Variants in RAB10 observed in about 807,000 individuals in gnomAD.
RAB10 encodes RAB10, member RAS oncogene family.
In RAB10, 5 loss-of-function variants were observed where a neutral mutation model predicts 25.7. The ratio of observed to expected loss-of-function variants is 0.19; its 90% CI spans 0.10 to 0.41. The LOEUF is 0.41. RAB10 is among the 10% of genes least tolerant of loss of function. RAB10 has a pLI of 1.00. For synonymous variants in RAB10, 89 were observed against 86.4 expected (o/e 1.03, Z -0.16); for missense variants, 103 against 245.8 (o/e 0.42, Z 3.89).
intron 1 of RAB10, among the ~76,000 whole-genome samples, chr2:26,059,544 T>A (rs1284950774): frequency 6.6e-6 from 1 of 152,144 alleles, no homozygotes; most frequent in African/African-American, 2.4e-5. Context: ...GGGGTAAAAA[T>A]TGTGAGTACT....
intron 1 of RAB10, among the ~76,000 whole-genome samples, chr2:26,047,303 A>G (rs1170456606): frequency 6.6e-6 from 1 of 152,218 alleles, no homozygotes; most frequent in East Asian, 1.9e-4. Context: ...TGTTGTATAA[A>G]TGGAATCATA....
Position 26,117,628 on chromosome 2 carries a change from AAAAAAAAC to A in RAB10, c.327+7730_327+7737del, listed in dbSNP as rs1238518225. Among the ~76,000 whole-genome samples the A allele has an allele frequency of 2.5e-3, 361 of 146,648 alleles. 3 individuals carry two copies. In the East Asian group the frequency reaches 0.036, roughly 14 times the overall value. On this transcript the variant is annotated intron_variant, in intron 3 of 5. Coordinates refer to ENST00000264710, the MANE Select transcript of RAB10 (RefSeq NM_016131.5). ...GAGCGAGACTCCGTCTCAAAAAAAA[AAAAAAAAC>A]AAAAAAAACAAAAGAGTTAGGAAGT...
Position 26,054,711 on chromosome 2 carries a change from G to C in RAB10, c.127+19976G>C, listed in dbSNP as rs370537544. ...GCAGGAAAGTTAGAACACTCATTAC[G>C]ATGAATCCCCTTAGATCTTCCAGAT... On this transcript the variant is annotated intron_variant, in intron 1 of 5. Transcript: ENST00000264710. Among the ~76,000 whole-genome samples, 10 of 152,226 alleles carry C rather than the reference G, an allele frequency of 6.6e-5. No individual in the cohort carries two copies. In the South Asian group the frequency reaches 2.1e-3, roughly 32 times the overall value.
chr2:26,135,607 A>T lies in RAB10; in HGVS notation c.*586A>T, dbSNP rs1056765715. The stretch of plus-strand genomic sequence containing the variant: ...GCATGTGCAGGAGACATATCATCCA[A>T]ACATAAACCATTAAAATGTTTGTGG... On this transcript the variant is annotated 3_prime_UTR_variant, in exon 6 of 6. Coordinates refer to ENST00000264710, the MANE Select transcript of RAB10 (RefSeq NM_016131.5). 1 of 152,660 alleles carries T rather than the reference A, an allele frequency of 6.6e-6. No homozygotes were observed. Among genetic ancestry groups the T allele is most frequent in the African/African-American group, 2.4e-5 (1 of 41,454 alleles). 9.5% of individuals were successfully genotyped at this position (152,660 alleles called of 1,614,324 possible).
At chr2:26,054,464 A>G (rs1446775281) in intron 1 of RAB10, among the ~76,000 whole-genome samples, 1 of 152,210 alleles carries the variant, frequency 6.6e-6, no homozygotes, top group East Asian at 1.9e-4. Flanking sequence ...TGCTGGCATT[A>G]TAGGCGTGAG....
chr2:26,061,663 T>G (rs1052114507), intron 1 of RAB10, among the ~76,000 whole-genome samples: 4 of 151,804 alleles, frequency 2.6e-5, no homozygotes, highest in Non-Finnish European at 5.9e-5. Context: ...AGGGCGGTAA[T>G]TATAGGTGTG....
intron 1 of RAB10, among the ~76,000 whole-genome samples, chr2:26,055,605 T>C (rs1666244943): frequency 6.6e-6 from 1 of 152,108 alleles, no homozygotes; most frequent in African/African-American, 2.4e-5. Flanking sequence ...TCCAGGCTGG[T>C]CTTGAACTCC....
chr2:26,089,056 C>T (rs1667048382), intron 1 of RAB10, among the ~76,000 whole-genome samples: 1 of 152,060 alleles, frequency 6.6e-6, no homozygotes, highest in South Asian at 2.1e-4. Context: ...AATGTGACTA[C>T]AGGAGAAAAA....
chr2:26,043,978 CA>C (rs757359586), intron 1 of RAB10, among the ~76,000 whole-genome samples: 1 of 151,954 alleles, frequency 6.6e-6, no homozygotes, highest in Non-Finnish European at 1.5e-5. Flanking sequence ...TGGTGATTAC[CA>C]GGGGCTGGGG....
At chr2:26,033,535 A>T (rs1340896558), upstream of RAB10, among the ~76,000 whole-genome samples, 1 of 152,234 alleles carries the variant, frequency 6.6e-6, no homozygotes, top group East Asian at 1.9e-4. Flanking sequence ...GAGAGGGGGC[A>T]CGCCGGGAGG....
At chr2:26,051,787 GT>G (rs1407042250) in intron 1 of RAB10, among the ~76,000 whole-genome samples, 1 of 151,474 alleles carries the variant, frequency 6.6e-6, no homozygotes, top group Non-Finnish European at 1.5e-5. Flanking sequence ...GCCAGGTGAG[GT>G]GGTTCACGCC....
Position 26,118,401 on chromosome 2 carries a change from T to C in RAB10, c.327+8495T>C, listed in dbSNP as rs1171545568. On this transcript the variant is annotated intron_variant, in intron 3 of 5. Coordinates refer to ENST00000264710, the MANE Select transcript of RAB10 (RefSeq NM_016131.5). Reference sequence around the variant, plus strand: ...AACACAGCCCACTGTAGCCCAGACCTCCCGGGCAAATAAGTGCTTTAAAAA... The same window carrying C: ...AACACAGCCCACTGTAGCCCAGACCCCCCGGGCAAATAAGTGCTTTAAAAA... Among the ~76,000 whole-genome samples the C allele has an allele frequency of 1.7e-4, 21 of 125,206 alleles. No homozygotes were observed. The East Asian group carries it at 1.9e-3, about 12-fold the overall frequency. The allele number at this position is 125,206 out of a possible 152,430, so 82.1% of individuals were successfully genotyped here. A position where few individuals can be genotyped will look rare whatever the true frequency, so the allele number is the denominator to read the frequency against.
At chr2:26,130,638 G>A (rs529276093) in intron 5 of RAB10, among the ~76,000 whole-genome samples, 27 of 151,874 alleles carry the variant, frequency 1.8e-4, no homozygotes, top group Non-Finnish European at 3.1e-4. Context: ...AGAGATTGGG[G>A]GTGTCTCACT....
At chr2:26,080,169 G>A (rs1666837111) in intron 1 of RAB10, among the ~76,000 whole-genome samples, 1 of 152,160 alleles carries the variant, frequency 6.6e-6, no homozygotes, top group Non-Finnish European at 1.5e-5. Flanking sequence ...AATAATGGTA[G>A]TATTGAATTA....
chr2:26,040,841 A>G (rs569999868), intron 1 of RAB10, among the ~76,000 whole-genome samples: 4 of 152,286 alleles, frequency 2.6e-5, no homozygotes, highest in Admixed American at 2.0e-4. Flanking sequence ...TGGTGTTCAC[A>G]AAGACTACTG....
intron 1 of RAB10, among the ~76,000 whole-genome samples, chr2:26,070,119 C>T (rs1374966205): frequency 1.3e-5 from 2 of 152,218 alleles, no homozygotes; most frequent in African/African-American, 4.8e-5. Context: ...TGCAGCTACA[C>T]GAATTCTTCT....
intron 1 of RAB10, among the ~76,000 whole-genome samples, chr2:26,079,461 A>T (rs562390910): frequency 1.3e-5 from 2 of 152,116 alleles, no homozygotes; most frequent in Non-Finnish European, 2.9e-5. Flanking sequence ...GCTAGAATGA[A>T]CTGTGGTATT....
intron 1 of RAB10, 118 bp downstream of exon 1, chr2:26,034,853 C>A: frequency 7.1e-7 from 1 of 1,400,990 alleles, no homozygotes; most frequent in African/African-American, 1.4e-5. Flanking sequence ...TTCCAAACGA[C>A]ACATCCAAGT....
chr2:26,097,467 G>A (rs568854239), intron 1 of RAB10, among the ~76,000 whole-genome samples: 5 of 152,152 alleles, frequency 3.3e-5, no homozygotes, highest in African/African-American at 7.2e-5. Context: ...TAGTAGAGAC[G>A]GGGTTTCACC....
Sources: gnomAD v4.1 joint callset for allele counts (sites outside exome capture counted in the v4.1 genomes callset) on GRCh38, gnomAD v4.1.1 for gene constraint, MANE v1.5 for transcripts, NCBI Gene and HGNC (gene_info 2026-07-23, HGNC 2026-07-21) for gene names.